The following GPC6 variants were observed in gnomAD, a reference collection of about 807,000 sequenced individuals.
The protein encoded by GPC6 is glypican-6.
A neutral mutation model predicts 55.2 loss-of-function variants in GPC6; 14 were observed. The ratio of observed to expected loss-of-function variants is 0.25; its 90% CI spans 0.17 to 0.40. GPC6 has a LOEUF of 0.40. GPC6 is among the 10% of genes least tolerant of loss of function. The pLI is 1.00. For missense variants in GPC6, 641 were observed against 708.5 expected (o/e 0.90, Z 1.08); for synonymous variants, 278 against 259.6 (o/e 1.07, Z -0.68).
In GPC6 at chr13:93,915,274, T is replaced by C. The variant is rs898456537; in HGVS notation, c.711+84729T>C. ...TAACCCTATGTAGTACATACTAACA[T>C]CCCCAAAGAAGTTATGAAACTCACC... On this transcript the variant is annotated intron_variant, in intron 3 of 8. Coordinates refer to ENST00000377047, the MANE Select transcript of GPC6 (RefSeq NM_005708.5). 2.0e-5 allele frequency among the ~76,000 whole-genome samples: 3 copies of C among 152,264 alleles called. No homozygotes were observed. In the East Asian group the frequency reaches 5.8e-4, roughly 29 times the overall value.
the GPC6 span, among the ~76,000 whole-genome samples, chr13:93,221,357 G>C: frequency 6.6e-6 from 1 of 152,066 alleles, no homozygotes; most frequent in Non-Finnish European, 1.5e-5. Flanking sequence ...GATAAACCCT[G>C]TCATAACTTT....
chr13:93,354,816 C>T (rs1880786172), intron 1 of GPC6, among the ~76,000 whole-genome samples: 1 of 152,106 alleles, frequency 6.6e-6, no homozygotes, highest in Non-Finnish European at 1.5e-5. Context: ...AGAGAATCCA[C>T]CCACTTCAAG....
chr13:93,538,928 C>CTTT (rs112356644), intron 1 of GPC6, among the ~76,000 whole-genome samples: 55 of 146,016 alleles, frequency 3.8e-4, no homozygotes, highest in African/African-American at 9.5e-4. Flanking sequence ...TTACAATATT[C>CTTT]TTTTTTTTTT....
At chr13:93,446,278 C>G (rs1877994477) in intron 1 of GPC6, among the ~76,000 whole-genome samples, 1 of 152,004 alleles carries the variant, frequency 6.6e-6, no homozygotes, top group Admixed American at 6.6e-5. Flanking sequence ...GATTAGAACC[C>G]CCAGTTTTTC....
At chr13:94,160,382 C>A (rs987165968) in intron 4 of GPC6, among the ~76,000 whole-genome samples, 1 of 152,178 alleles carries the variant, frequency 6.6e-6, no homozygotes, top group Non-Finnish European at 1.5e-5. Context: ...GGTCTTATAT[C>A]CTATATAAGT....
rs1323909787 is a variant in GPC6 at position 94,398,484 on chromosome 13, G to A, written c.1308G>A (p.Met436Ile). 1.9e-6 allele frequency: 3 copies of A among 1,613,384 alleles called. No homozygotes were observed. Among genetic ancestry groups the A allele is most frequent in the South Asian group, 2.2e-5 (2 of 91,078 alleles). Residue 436 changes from methionine to isoleucine, a missense_variant, in exon 8 of 9, where the codon ATG (methionine) becomes ATA (isoleucine). By Grantham distance (10) the Met-to-Ile change is conservative. Coordinates refer to ENST00000377047, the MANE Select transcript of GPC6 (RefSeq NM_005708.5). ...CTTGCAGATACTTGCCTGAGATCAT[G>A]AATGATGGGCTCACCAACCAGATCA... Reference protein sequence around the residue: ...HSKARYLPEIMNDGLTNQINN... With the variant: ...HSKARYLPEIINDGLTNQINN...
At chr13:93,563,755 G>GAAA (rs1875941731) in intron 2 of GPC6, among the ~76,000 whole-genome samples, 1 of 135,410 alleles carries the variant, frequency 7.4e-6, no homozygotes. Context: ...GTCTGAGAAT[G>GAAA]AAAGAAAAAA....
intron 1 of GPC6, among the ~76,000 whole-genome samples, chr13:93,310,049 C>G (rs548163962): frequency 2.0e-5 from 3 of 152,292 alleles, no homozygotes; most frequent in South Asian, 2.1e-4. Context: ...GGAAGCCTGA[C>G]GTGACTGGTT....
chr13:93,448,091 T>C (rs539814146), intron 1 of GPC6, among the ~76,000 whole-genome samples: 2 of 152,270 alleles, frequency 1.3e-5, no homozygotes, highest in Admixed American at 6.5e-5. Flanking sequence ...ATGATGGCTT[T>C]AGTTATAAAC....
intron 4 of GPC6, among the ~76,000 whole-genome samples, chr13:94,162,531 A>G (rs1888203893): frequency 6.6e-6 from 1 of 152,176 alleles, no homozygotes; most frequent in Non-Finnish European, 1.5e-5. Context: ...CACAACAGTG[A>G]GGGCTACCCT....
chr13:93,446,607 G>A (rs1878013716), intron 1 of GPC6, among the ~76,000 whole-genome samples: 1 of 152,030 alleles, frequency 6.6e-6, no homozygotes, highest in Non-Finnish European at 1.5e-5. Flanking sequence ...ACTACAACCC[G>A]TTTTCTTGAT....
At chr13:93,747,673 T>C (rs9584153) in intron 2 of GPC6, among the ~76,000 whole-genome samples, 62,800 of 152,062 alleles carry the variant, frequency 0.41, 13,763 homozygotes, top group East Asian at 0.75. Context: ...CATTAAGAAA[T>C]AGGATTTGTG....
At chr13:94,275,788 A>G (rs1892184957) in intron 4 of GPC6, among the ~76,000 whole-genome samples, 1 of 152,170 alleles carries the variant, frequency 6.6e-6, no homozygotes. Flanking sequence ...GAAAGAGACA[A>G]AGCACTGGAA....
At chr13:93,340,643 A>G (rs1185155544) in intron 1 of GPC6, among the ~76,000 whole-genome samples, 1 of 152,166 alleles carries the variant, frequency 6.6e-6, no homozygotes, top group African/African-American at 2.4e-5. Context: ...AGAGCTTGGT[A>G]TGCTCAAGGA....
chr13:93,592,341 T>A (rs1877526662), intron 2 of GPC6, among the ~76,000 whole-genome samples: 1 of 143,554 alleles, frequency 7.0e-6, no homozygotes, highest in South Asian at 2.3e-4. Flanking sequence ...TGCGCCCCCA[T>A]GCCTGGCTAT....
At chr13:94,069,987 C>A (rs1468643910) in intron 4 of GPC6, among the ~76,000 whole-genome samples, 1 of 152,190 alleles carries the variant, frequency 6.6e-6, no homozygotes, top group Non-Finnish European at 1.5e-5. Context: ...TAGCAGTGCC[C>A]CACTCTACTG....
chr13:93,825,426 G>C lies in GPC6; in HGVS notation c.320-4728G>C, dbSNP rs575138586. On this transcript the variant is annotated intron_variant, in intron 2 of 8. Transcript: ENST00000377047. ...AGCACACAAGCTGCAGCTTGCAAAGGACACCGCCTCATGTGGCAAGGACAG... is the reference window on the plus strand; with the variant it reads ...AGCACACAAGCTGCAGCTTGCAAAGCACACCGCCTCATGTGGCAAGGACAG... Among the ~76,000 whole-genome samples, 8 of 152,274 alleles carry C rather than the reference G, an allele frequency of 5.3e-5. No homozygotes were observed. The East Asian group carries it at 1.5e-3, about 29-fold the overall frequency.
intron 7 of GPC6, among the ~76,000 whole-genome samples, chr13:94,384,447 C>G (rs150443008): frequency 1.6e-4 from 24 of 152,258 alleles, no homozygotes; most frequent in Middle Eastern, 3.4e-3. Flanking sequence ...TACCTTTAAG[C>G]CTTGGCTAAC....
chr13:94,123,916 T>G (rs1483578491), intron 4 of GPC6, among the ~76,000 whole-genome samples: 2 of 152,082 alleles, frequency 1.3e-5, no homozygotes, highest in Admixed American at 6.6e-5. Context: ...AATGTTCTTA[T>G]TATAGATAGA....
Sources: allele counts gnomAD v4.1 joint callset (sites outside exome capture counted in the v4.1 genomes callset), GRCh38; gene constraint gnomAD v4.1.1; transcripts MANE v1.5; gene names NCBI Gene and HGNC (gene_info 2026-07-23, HGNC 2026-07-21).